KLHDC1: variants seen among roughly 807,000 people sequenced by gnomAD.
The protein encoded by KLHDC1 is kelch domain containing 1, also known as kelch domain-containing protein 1.
In KLHDC1, 53 loss-of-function variants were observed where a neutral mutation model predicts 68.3. The observed-to-expected ratio is 0.78, with a 90% CI of 0.62 to 0.98. The LOEUF is 0.98. Among genes scored for constraint, KLHDC1 ranks in the 50% least tolerant of loss-of-function variants. KLHDC1 has a pLI of 0.00. For synonymous variants in KLHDC1, 148 were observed against 159.0 expected (o/e 0.93, Z 0.52); for missense variants, 470 against 492.3 (o/e 0.95, Z 0.43).
chr14:49,747,082 GACCACAGGTGCCCGCC>G (rs1279046958), intron 12 of KLHDC1, among the ~76,000 whole-genome samples: 1 of 151,868 alleles, frequency 6.6e-6, no homozygotes, highest in Non-Finnish European at 1.5e-5. Context: ...GAGTAGCTGG[GACCACAGGTGCCCGCC>G]ACCACACCCG....
intron 1 of KLHDC1, among the ~76,000 whole-genome samples, chr14:49,702,061 G>A (rs945730156): frequency 6.6e-5 from 10 of 151,274 alleles, no homozygotes; most frequent in African/African-American, 1.7e-4. Flanking sequence ...CCAGCTACTC[G>A]GGAGGCTGAG....
intron 8 of KLHDC1, among the ~76,000 whole-genome samples, chr14:49,731,086 C>T (rs1158830255): frequency 2.0e-5 from 3 of 152,286 alleles, no homozygotes; most frequent in African/African-American, 7.2e-5. Context: ...TCTTAACCAG[C>T]CTGACTAACA....
At chr14:49,693,477 G>C (rs1039208440) in intron 1 of KLHDC1, among the ~76,000 whole-genome samples, 187 bp downstream of exon 1, 1 of 151,790 alleles carries the variant, frequency 6.6e-6, no homozygotes, top group East Asian at 1.9e-4. Context: ...TCGTCCCGCC[G>C]TTGCTTCTTC....
chr14:49,719,638 A>G (rs1254521425), intron 4 of KLHDC1, among the ~76,000 whole-genome samples: 5 of 151,730 alleles, frequency 3.3e-5, no homozygotes, highest in Non-Finnish European at 4.4e-5. Context: ...GGGTTTCACT[A>G]TGTTGGCCAG....
chr14:49,718,206 A>G (rs1194583309), intron 4 of KLHDC1, among the ~76,000 whole-genome samples: 3 of 152,040 alleles, frequency 2.0e-5, no homozygotes, highest in Non-Finnish European at 4.4e-5. Flanking sequence ...GGGTCTTTCC[A>G]GGAAGTTTTC....
chr14:49,743,399 C>CAAAAA (rs956715386), intron 11 of KLHDC1, among the ~76,000 whole-genome samples: 1 of 68,738 alleles, frequency 1.5e-5, no homozygotes, highest in African/African-American at 4.9e-5. Context: ...GACTCCATCT[C>CAAAAA]AAAAAAAAAA....
chr14:49,700,305 G>C (rs963411904), intron 1 of KLHDC1: 1 of 163,482 alleles, frequency 6.1e-6, no homozygotes, highest in South Asian at 1.4e-4. Flanking sequence ...TTCACAGGCT[G>C]GGTGTGGTGG....
intron 12 of KLHDC1, among the ~76,000 whole-genome samples, chr14:49,747,204 C>T (rs1055271514): frequency 1.3e-5 from 2 of 152,208 alleles, no homozygotes; most frequent in African/African-American, 4.8e-5. Flanking sequence ...GCCTCGGCCT[C>T]CCAAAGTGCT....
In KLHDC1 at chr14:49,724,652, AATGAC is replaced by A. The variant is rs1324421727; in HGVS notation, c.483+703_483+707del. Among the ~76,000 whole-genome samples, 16 of 152,222 alleles carry A rather than the reference AATGAC, an allele frequency of 1.1e-4. No homozygotes were observed. In the East Asian group the frequency reaches 3.1e-3, roughly 29 times the overall value. ...TTCTATGTTGTTTTTGAGTTTTAAA[AATGAC>A]ATATCATTAAAGCTTTGCTACTTAA... On this transcript the variant is annotated intron_variant, in intron 5 of 12. Transcript: ENST00000359332.
intron 8 of KLHDC1, among the ~76,000 whole-genome samples, chr14:49,731,616 C>T (rs1445636431): frequency 6.6e-6 from 1 of 152,080 alleles, no homozygotes; most frequent in African/African-American, 2.4e-5. Flanking sequence ...ATTACAGGCA[C>T]ATGCTACCAG....
intron 8 of KLHDC1, among the ~76,000 whole-genome samples, chr14:49,731,799 C>T (rs376480237): frequency 5.3e-5 from 8 of 152,152 alleles, no homozygotes; most frequent in Admixed American, 3.9e-4. Flanking sequence ...CCTGCCTTGG[C>T]GTCCCAAAGT....
intron 1 of KLHDC1, among the ~76,000 whole-genome samples, chr14:49,704,781 A>G (rs1227145855): frequency 6.6e-6 from 1 of 152,090 alleles, no homozygotes; most frequent in Non-Finnish European, 1.5e-5. Flanking sequence ...GAGATGAGAC[A>G]TGTTTGTATA....
intron 1 of KLHDC1, 95 bp downstream of exon 1, chr14:49,693,385 C>CCCAGGCCGGGCGCG: frequency 1.1e-6 from 1 of 938,914 alleles, no homozygotes. Context: ...GAGGCTGCGG[C>CCCAGGCCGGGCGCG]CCAGGCCTGG....
At chr14:49,693,547 A>C (rs1349775848) in intron 1 of KLHDC1, among the ~76,000 whole-genome samples, 1 of 151,690 alleles carries the variant, frequency 6.6e-6, no homozygotes, top group Non-Finnish European at 1.5e-5. Flanking sequence ...CTTTGCCAGC[A>C]ATTCAGTAAC....
intron 4 of KLHDC1, among the ~76,000 whole-genome samples, chr14:49,716,754 G>A (rs189820759): frequency 6.6e-6 from 1 of 152,160 alleles, no homozygotes; most frequent in African/African-American, 2.4e-5. Context: ...TATATTAAGT[G>A]TACAATTCAG....
Position 49,693,225 on chromosome 14 carries a change from G to T in KLHDC1, c.31G>T (p.Glu11Ter), listed in dbSNP as rs748526529. Reference sequence around the variant, plus strand: ...GGACTCTCAGCTGTTCTGTGTGGCGGAGGAACGCAGCGGCCACTGCGCCGT... The same window carrying T: ...GGACTCTCAGCTGTTCTGTGTGGCGTAGGAACGCAGCGGCCACTGCGCCGT... The part of the protein sequence containing the change: MADSQLFCVA[E>*]ERSGHCAVVD... Residue 11 changes from glutamate to a stop codon, truncating the protein, a stop_gained, in exon 1 of 13, where the codon GAG (glutamate) becomes TAG (stop). Transcript: ENST00000359332. LOFTEE classifies it high-confidence loss of function. 3 of 1,576,446 alleles carry T rather than the reference G, an allele frequency of 1.9e-6. No homozygotes were observed. Among genetic ancestry groups the T allele is most frequent in the Non-Finnish European group, 1.7e-6 (2 of 1,163,512 alleles).
chr14:49,729,839 C>G (rs1282028628), intron 8 of KLHDC1, among the ~76,000 whole-genome samples: 2 of 152,164 alleles, frequency 1.3e-5, no homozygotes, highest in Admixed American at 1.3e-4. Context: ...ATGGGGTCAT[C>G]TCAGGTGAAC....
intron 1 of KLHDC1, among the ~76,000 whole-genome samples, chr14:49,693,743 T>TTTTTA: frequency 1.4e-5 from 1 of 73,492 alleles, no homozygotes; most frequent in South Asian, 9.5e-4. Context: ...TTTTCTTTTC[T>TTTTTA]TTTTCTTTTT....
intron 6 of KLHDC1, among the ~76,000 whole-genome samples, chr14:49,727,301 A>T (rs972255988): frequency 6.6e-6 from 1 of 152,050 alleles, no homozygotes; most frequent in African/African-American, 2.4e-5. Context: ...CTACTTGGGC[A>T]TGTTCCTACC....
Sources: gnomAD v4.1 joint callset for allele counts (sites outside exome capture counted in the v4.1 genomes callset) on GRCh38, gnomAD v4.1.1 for gene constraint, MANE v1.5 for transcripts, NCBI Gene and HGNC (gene_info 2026-07-23, HGNC 2026-07-21) for gene names.